C16orf74: variants seen among roughly 807,000 people sequenced by gnomAD.
C16orf74 encodes the protein uncharacterized protein C16orf74.
In C16orf74, 10 loss-of-function variants were observed where a neutral mutation model predicts 6.5. That is an observed-to-expected ratio of 1.54 (90% CI 0.95 to 2.61). The LOEUF (loss-of-function observed/expected upper bound fraction) is 2.61. C16orf74 is among the 30% of genes most tolerant of loss of function. The probability of loss-of-function intolerance (pLI) is 0.00; values close to 1 mark genes in which losing one functional copy is unlikely to be tolerated. For synonymous variants in C16orf74, 60 were observed against 42.5 expected, an observed-to-expected ratio of 1.41 and a Z score of -1.60; for missense variants, 141 against 105.9, an observed-to-expected ratio of 1.33 and a Z score of -1.45.
chr16:85,733,735 T>C (rs1009955953), intron 2 of C16orf74, among the ~76,000 whole-genome samples: 1 of 151,922 alleles, frequency 6.6e-6, no homozygotes, highest in Non-Finnish European at 1.5e-5. Flanking sequence ...AACAAACATC[T>C]CCCCACTCCT....
Position 85,729,274 on chromosome 16 carries a change from C to T in C16orf74, c.28+5916G>A, listed in dbSNP as rs574128997. ...TGCCCAGATCCTGTTGATGCCAGCA[C>T]GTGCCAACCCTTATAGGGTGAGGCA... On this transcript the variant is annotated intron_variant, in intron 2 of 3. Transcript: ENST00000284245. Among the ~76,000 whole-genome samples the T allele has an allele frequency of 6.6e-5, 10 of 152,344 alleles. No homozygotes were observed. The South Asian group carries it at 1.0e-3, about 16-fold the overall frequency.
At chr16:85,737,961 AT>A (rs34329302) in intron 1 of C16orf74, among the ~76,000 whole-genome samples, 44,182 of 136,702 alleles carry the variant, frequency 0.32, 7,818 homozygotes, top group East Asian at 0.64. Flanking sequence ...TTTTTTTGTG[AT>A]TTTTTTTTTT....
At chr16:85,739,806 G>C (rs1013410962) in intron 1 of C16orf74, among the ~76,000 whole-genome samples, 13 of 152,114 alleles carry the variant, frequency 8.5e-5, no homozygotes, top group African/African-American at 2.9e-4. Context: ...CTCAAAAAAA[G>C]AAAAGAAGTA....
intron 2 of C16orf74, among the ~76,000 whole-genome samples, chr16:85,715,599 G>A (rs1421521228): frequency 3.3e-5 from 5 of 152,178 alleles, no homozygotes; most frequent in Admixed American, 6.6e-5. Flanking sequence ...ACACAGCTTT[G>A]CCACGGCAGC....
chr16:85,745,245 C>G (rs1258577138), intron 1 of C16orf74, among the ~76,000 whole-genome samples: 2 of 151,594 alleles, frequency 1.3e-5, no homozygotes, highest in Non-Finnish European at 2.9e-5. Context: ...AACTGACTTC[C>G]TCGGCAGAGG....
At chr16:85,733,854 C>T (rs948231779) in intron 2 of C16orf74, among the ~76,000 whole-genome samples, 2 of 152,186 alleles carry the variant, frequency 1.3e-5, no homozygotes, top group African/African-American at 4.8e-5. Flanking sequence ...CCCCGATTTT[C>T]ACCAGGGGAA....
chr16:85,728,008 G>A (rs1399617779), intron 2 of C16orf74, among the ~76,000 whole-genome samples: 6 of 145,726 alleles, frequency 4.1e-5, no homozygotes, highest in African/African-American at 1.5e-4. Context: ...GCGTGGTGTT[G>A]TACACCTATA....
intron 2 of C16orf74, among the ~76,000 whole-genome samples, chr16:85,720,955 G>C (rs1343467680): frequency 1.3e-5 from 2 of 152,056 alleles, no homozygotes; most frequent in Non-Finnish European, 2.9e-5. Flanking sequence ...GCCAGCCGTG[G>C]TGGTGGGCAC....
chr16:85,728,275 G>C (rs1438800972), intron 2 of C16orf74, among the ~76,000 whole-genome samples: 5 of 152,222 alleles, frequency 3.3e-5, no homozygotes, highest in Non-Finnish European at 7.3e-5. Flanking sequence ...GGAATCTGGT[G>C]TGGGGTGTGT....
Position 85,723,416 on chromosome 16 carries a change from A to G in C16orf74, c.28+11774T>C, listed in dbSNP as rs570509681. Among the ~76,000 whole-genome samples, 6 of 152,252 alleles carry G rather than the reference A, an allele frequency of 3.9e-5. No homozygotes were observed. The East Asian group carries it at 1.2e-3, about 29-fold the overall frequency. ...ATCCCATCTGTACTAAAAAAAAAAA[A>G]AAAGTTAAATGCTTCCTGTTAAAAA... is the stretch of plus-strand genomic sequence containing the variant. On this transcript the variant is annotated intron_variant, in intron 2 of 3. Coordinates refer to ENST00000284245, the MANE Select transcript of C16orf74 (RefSeq NM_206967.3).
intron 1 of C16orf74, among the ~76,000 whole-genome samples, chr16:85,737,034 C>G (rs1243944405): frequency 6.6e-6 from 1 of 151,242 alleles, no homozygotes; most frequent in African/African-American, 2.4e-5. Flanking sequence ...CAGAGTGAGA[C>G]TTCATCTCGA....
intron 2 of C16orf74, among the ~76,000 whole-genome samples, chr16:85,729,974 G>A (rs1203802541): frequency 2.6e-5 from 4 of 152,174 alleles, no homozygotes; most frequent in African/African-American, 4.8e-5. Flanking sequence ...CGGTAGAGAT[G>A]GAAGCCAGCC....
intron 2 of C16orf74, among the ~76,000 whole-genome samples, chr16:85,723,848 C>A (rs1247556614): frequency 6.6e-6 from 1 of 152,206 alleles, no homozygotes; most frequent in Non-Finnish European, 1.5e-5. Context: ...CAAGAGCAGG[C>A]TGCCCCTGCC....
At chr16:85,743,951 C>T (rs1045187063) in intron 1 of C16orf74, among the ~76,000 whole-genome samples, 1 of 151,196 alleles carries the variant, frequency 6.6e-6, no homozygotes, top group Non-Finnish European at 1.5e-5. Flanking sequence ...CTACTCGGGA[C>T]GCTGAGGCAG....
At chr16:85,709,795 C>T (rs950284000) in intron 3 of C16orf74, among the ~76,000 whole-genome samples, 2 of 152,244 alleles carry the variant, frequency 1.3e-5, no homozygotes, top group Admixed American at 6.5e-5. Context: ...CTGTCCTGTC[C>T]GGCCAAACTG....
intron 2 of C16orf74, among the ~76,000 whole-genome samples, chr16:85,719,589 C>G (rs1458001969): frequency 1.3e-5 from 2 of 152,040 alleles, no homozygotes; most frequent in East Asian, 3.9e-4. Flanking sequence ...GCTGGAAGCA[C>G]AAAGATATTT....
At chr16:85,709,495 G>GTTATTATTA (rs57478569) in intron 3 of C16orf74, among the ~76,000 whole-genome samples, 15,031 of 147,204 alleles carry the variant, frequency 0.1, 856 homozygotes, top group African/African-American at 0.15. Flanking sequence ...CATCCCCAAT[G>GTTATTATTA]TTATTATTAT....
At chr16:85,708,180 G>T in intron 3 of C16orf74, 114 bp from the exon 4 acceptor site, 2 of 876,836 alleles carry the variant, frequency 2.3e-6, no homozygotes, top group Non-Finnish European at 3.6e-6. Context: ...TTCTGGTGCT[G>T]CCAGAGGCTG....
intron 2 of C16orf74, among the ~76,000 whole-genome samples, chr16:85,731,491 G>C (rs577162358): frequency 1.3e-4 from 20 of 152,238 alleles, no homozygotes; most frequent in African/African-American, 4.8e-4. Flanking sequence ...GCCAGGCTGC[G>C]GGGCTAGAGC....
Sources: allele counts gnomAD v4.1 joint callset (sites outside exome capture counted in the v4.1 genomes callset), GRCh38; gene constraint gnomAD v4.1.1; transcripts MANE v1.5; gene names NCBI Gene and HGNC (gene_info 2026-07-23, HGNC 2026-07-21).